The following LRBA variants were observed in gnomAD, a reference collection of about 807,000 sequenced individuals.
LRBA encodes the protein lipopolysaccharide-responsive and beige-like anchor protein.
In LRBA, 176 loss-of-function variants were observed where a neutral mutation model predicts 330.0. The ratio of observed to expected loss-of-function variants is 0.53; its 90% CI spans 0.47 to 0.60. The LOEUF is 0.60. LRBA is among the 20% of genes least tolerant of loss of function. LRBA has a pLI of 0.00. For synonymous variants in LRBA, 1,230 were observed against 1,193.0 expected (o/e 1.03, Z -0.64); for missense variants, 3,259 against 3,444.8 (o/e 0.95, Z 1.35).
chr4:150,523,879 C>T (rs1189140023), intron 40 of LRBA, among the ~76,000 whole-genome samples: 2 of 152,026 alleles, frequency 1.3e-5, no homozygotes, highest in Admixed American at 1.3e-4. Flanking sequence ...CAATCTCTGT[C>T]ACTTCTGGGA....
chr4:150,684,795 G>T (rs1342799491), intron 36 of LRBA, among the ~76,000 whole-genome samples: 1 of 151,996 alleles, frequency 6.6e-6, no homozygotes, highest in Non-Finnish European at 1.5e-5. Flanking sequence ...ACTTGATGTT[G>T]GGATAAATAT....
chr4:150,587,890 A>G (rs1772314996), intron 40 of LRBA, among the ~76,000 whole-genome samples, 158 bp downstream of exon 40: 1 of 152,130 alleles, frequency 6.6e-6, no homozygotes, highest in Admixed American at 6.6e-5. Flanking sequence ...ACTAACTGGT[A>G]GGGAATCATA....
chr4:150,414,287 T>C (rs1413441335), intron 47 of LRBA, among the ~76,000 whole-genome samples: 2 of 152,064 alleles, frequency 1.3e-5, no homozygotes, highest in East Asian at 1.9e-4. Flanking sequence ...TTCCAGTATA[T>C]ATAGAATGCA....
chr4:150,306,878 C>T (rs1723025247), intron 52 of LRBA, among the ~76,000 whole-genome samples: 1 of 152,080 alleles, frequency 6.6e-6, no homozygotes, highest in African/African-American at 2.4e-5. Flanking sequence ...ACTTCTGTCA[C>T]TATTAGCTAC....
intron 42 of LRBA, among the ~76,000 whole-genome samples, chr4:150,481,308 A>C (rs1327989775): frequency 6.6e-6 from 1 of 152,090 alleles, no homozygotes; most frequent in African/African-American, 2.4e-5. Flanking sequence ...TGGTGGGTGC[A>C]GATGTCTCTT....
At chr4:150,814,704 G>C (rs1371929692) in intron 31 of LRBA, among the ~76,000 whole-genome samples, 6 of 151,732 alleles carry the variant, frequency 4.0e-5, no homozygotes. Context: ...AAAAAAATTG[G>C]TAACTATTTG....
chr4:150,879,771 T>C (rs1728162382), intron 17 of LRBA, among the ~76,000 whole-genome samples: 1 of 152,168 alleles, frequency 6.6e-6, no homozygotes, highest in African/African-American at 2.4e-5. Flanking sequence ...ACAATATCCA[T>C]GCTCAAGGAT....
chr4:150,447,059 G>T (rs1752699858), intron 44 of LRBA, among the ~76,000 whole-genome samples: 2 of 152,194 alleles, frequency 1.3e-5, no homozygotes, highest in South Asian at 4.2e-4. Flanking sequence ...GCAATAGCTG[G>T]ACAGGGTTTT....
rs193175463 is a variant in LRBA, at chr4:150,322,308, C to T, written c.7453-940G>A. Among the ~76,000 whole-genome samples, 4 of 152,286 alleles carry T rather than the reference C, an allele frequency of 2.6e-5. No homozygotes were observed. In the East Asian group the frequency reaches 7.7e-4, roughly 29 times the overall value. Reference sequence around the variant, plus strand: ...ACAACCCATATGTCATAATCCAAGACATATATAACACTGCTCTGATTTATT... The same window carrying T: ...ACAACCCATATGTCATAATCCAAGATATATATAACACTGCTCTGATTTATT... On this transcript the variant is annotated intron_variant, in intron 49 of 56. Transcript: ENST00000651943.
At chr4:150,324,690 AG>A (rs1733003819) in intron 49 of LRBA, among the ~76,000 whole-genome samples, 1 of 151,918 alleles carries the variant, frequency 6.6e-6, no homozygotes, top group African/African-American at 2.4e-5. Flanking sequence ...TTTCCTTCCC[AG>A]TATTTATCAA....
At chr4:150,539,947 G>A (rs866086563) in intron 40 of LRBA, among the ~76,000 whole-genome samples, 114 of 152,088 alleles carry the variant, frequency 7.5e-4, no homozygotes, top group African/African-American at 2.7e-3. Flanking sequence ...CACAAATATC[G>A]TATTAATATT....
chr4:150,758,202 C>A (rs1295968416), intron 35 of LRBA, among the ~76,000 whole-genome samples: 1 of 152,158 alleles, frequency 6.6e-6, no homozygotes, highest in Non-Finnish European at 1.5e-5. Context: ...TCTGTGACGG[C>A]CAGTAGGCCC....
At chr4:150,550,859 T>C (rs555528228) in intron 40 of LRBA, among the ~76,000 whole-genome samples, 1 of 152,304 alleles carries the variant, frequency 6.6e-6, no homozygotes, top group African/African-American at 2.4e-5. Flanking sequence ...CTTCCTCATA[T>C]AAGATTACTC....
intron 40 of LRBA, among the ~76,000 whole-genome samples, chr4:150,503,641 A>C (rs1388340064): frequency 2.0e-5 from 3 of 152,224 alleles, no homozygotes; most frequent in Non-Finnish European, 4.4e-5. Context: ...AAGATGGGGA[A>C]AAAACAGAGC....
intron 34 of LRBA, among the ~76,000 whole-genome samples, chr4:150,768,018 C>A (rs1736011747): frequency 1.5e-5 from 2 of 136,974 alleles, no homozygotes; most frequent in East Asian, 2.2e-4. Context: ...GAGCCAAGAT[C>A]ACGCCACTGC....
intron 37 of LRBA, among the ~76,000 whole-genome samples, chr4:150,623,449 C>T (rs1295367281): frequency 6.6e-6 from 1 of 151,890 alleles, no homozygotes; most frequent in East Asian, 1.9e-4. Context: ...ATAGTATATG[C>T]CTGTTAAAAA....
At chr4:150,766,999 C>A (rs1474863599) in intron 34 of LRBA, among the ~76,000 whole-genome samples, 2 of 151,992 alleles carry the variant, frequency 1.3e-5, no homozygotes, top group African/African-American at 4.8e-5. Flanking sequence ...AGTCACACAA[C>A]AAAAACAGTG....
intron 35 of LRBA, 87 bp from the exon 36 acceptor site, chr4:150,735,453 ATACT>A: frequency 2.4e-6 from 2 of 849,800 alleles, no homozygotes; most frequent in South Asian, 2.9e-5. Context: ...AGAGGAAGGA[ATACT>A]TACTTTCTTC....
At chr4:150,685,412 ATATATAT>A (rs1237502965) in intron 36 of LRBA, among the ~76,000 whole-genome samples, 13 of 18,672 alleles carry the variant, frequency 7.0e-4, no homozygotes, top group African/African-American at 2.5e-3. Flanking sequence ...ATATATATAT[ATATATAT>A]ATTTTTTTTT....
Sources: allele counts gnomAD v4.1 joint callset (sites outside exome capture counted in the v4.1 genomes callset), GRCh38; gene constraint gnomAD v4.1.1; transcripts MANE v1.5; gene names NCBI Gene and HGNC (gene_info 2026-07-23, HGNC 2026-07-21).